Variants in SNX18 observed in about 807,000 individuals in gnomAD.
SNX18 encodes the protein sorting nexin 18.
A neutral mutation model predicts 48.7 loss-of-function variants in SNX18; 35 were observed. The observed-to-expected ratio is 0.72, with a 90% CI of 0.55 to 0.95. SNX18 has a LOEUF of 0.95. SNX18 is among the 40% of genes least tolerant of loss of function. The pLI is 0.00. For missense variants in SNX18, 824 were observed against 871.0 expected (o/e 0.95, Z 0.68); for synonymous variants, 492 against 384.7 (o/e 1.28, Z -3.26).
Position 54,517,938 on chromosome 5 carries a change from C to A in SNX18, c.-15C>A, listed in dbSNP as rs1761897565. ...GACGCCGGGAGTCGGGACCGCCAGT[C>A]GGGGCGCCGGGACCATGGCGCTGCG... On this transcript the variant is annotated 5_prime_UTR_variant, in exon 1 of 2. Transcript: ENST00000381410. 1 of 1,496,928 alleles carries A rather than the reference C, an allele frequency of 6.7e-7. No individual in the cohort carries two copies. Among genetic ancestry groups the A allele is most frequent in the South Asian group, 1.2e-5 (1 of 80,174 alleles). 92.7% of individuals were successfully genotyped at this position (1,496,928 alleles called of 1,614,324 possible).
downstream of SNX18, among the ~76,000 whole-genome samples, chr5:54,550,415 G>T (rs1186691376): frequency 6.6e-6 from 1 of 152,024 alleles, no homozygotes. Context: ...TCCAAAGGAT[G>T]AAAAACTGTA....
In SNX18 at chr5:54,519,691, G is replaced by T. The variant is rs367802950; in HGVS notation, c.1621+118G>T. On this transcript the variant is annotated intron_variant, in intron 1 of 1. Transcript: ENST00000381410. ...TCATATTCTACAGGTGAGGAAGCGA[G>T]CAGAGACGTGGACGCCTGGGTCTTT... 15 of 1,614,102 alleles carry T rather than the reference G, an allele frequency of 9.3e-6. No homozygotes were observed. The highest frequency in any genetic ancestry group is 1.3e-5 in the Non-Finnish European group (15 of 1,180,048).
chr5:54,570,155 G>T, the SNX18 span, among the ~76,000 whole-genome samples: 4,950 of 152,222 alleles, frequency 0.033, 267 homozygotes, highest in African/African-American at 0.11. Context: ...GGGAAATTTG[G>T]ACACAGATGC....
the SNX18 span, among the ~76,000 whole-genome samples, chr5:54,638,797 A>C: frequency 1.3e-5 from 2 of 152,128 alleles, no homozygotes; most frequent in African/African-American, 4.8e-5. Context: ...CCGCTTGCCT[A>C]AGGTCAGCCA....
the SNX18 span, among the ~76,000 whole-genome samples, chr5:54,596,312 T>C: frequency 5.4e-5 from 8 of 149,498 alleles, no homozygotes; most frequent in Non-Finnish European, 1.2e-4. Flanking sequence ...GGGCCAGCAC[T>C]ATAGCTCTCC....
At chr5:54,591,280 A>G in the SNX18 span, among the ~76,000 whole-genome samples, 1 of 152,086 alleles carries the variant, frequency 6.6e-6, no homozygotes, top group African/African-American at 2.4e-5. Flanking sequence ...CCTGGGTTCA[A>G]GCAATCTTCC....
At chr5:54,583,616 T>C in the SNX18 span, among the ~76,000 whole-genome samples, 1 of 152,250 alleles carries the variant, frequency 6.6e-6, no homozygotes, top group Non-Finnish European at 1.5e-5. Context: ...ATTTTACCAA[T>C]GCTTAGCTTC....
At position 54,518,437 on chromosome 5, in the gene SNX18, C is replaced by G; in HGVS notation, c.485C>G (p.Ser162Cys). The G allele has an allele frequency of 1.9e-6, 3 of 1,578,234 alleles. No individual in the cohort carries two copies. The highest frequency in any genetic ancestry group is 1.8e-5 in the Admixed American group (1 of 55,294). ...DDWDDEWDDSSTVADEPGALG... is the reference protein window; with the variant it reads ...DDWDDEWDDSCTVADEPGALG... ...TGGGACGACGAGTGGGACGACAGCTCCACGGTGGCGGACGAGCCGGGCGCT... is the reference window on the plus strand; with the variant it reads ...TGGGACGACGAGTGGGACGACAGCTGCACGGTGGCGGACGAGCCGGGCGCT... The change falls in exon 1 of 2, where the codon TCC becomes TGC. Residue 162 changes from serine (S) to cysteine (C), a missense_variant. Around this residue, in one of 3 missense-constraint regions of SNX18, gnomAD observed 377 missense variants for 350.6 expected, o/e 1.08. Coordinates refer to ENST00000381410, the MANE Select transcript of SNX18 (RefSeq NM_001102575.2).
the SNX18 span, among the ~76,000 whole-genome samples, chr5:54,629,541 G>A: frequency 6.6e-6 from 1 of 152,164 alleles, no homozygotes; most frequent in Non-Finnish European, 1.5e-5. Context: ...TTGGATTTCT[G>A]ACCCCTGTTT....
At chr5:54,622,448 A>G in the SNX18 span, among the ~76,000 whole-genome samples, 1 of 151,778 alleles carries the variant, frequency 6.6e-6, no homozygotes, top group East Asian at 1.9e-4. Flanking sequence ...GCAGTGAGCC[A>G]TGATTATTAC....
chr5:54,554,336 C>T, the SNX18 span, among the ~76,000 whole-genome samples: 1 of 152,170 alleles, frequency 6.6e-6, no homozygotes, highest in Non-Finnish European at 1.5e-5. Context: ...TGAATCAGAA[C>T]GTGAAGGGGG....
At chr5:54,578,386 T>A in the SNX18 span, among the ~76,000 whole-genome samples, 3 of 152,214 alleles carry the variant, frequency 2.0e-5, no homozygotes, top group African/African-American at 7.2e-5. Flanking sequence ...AGATGCCAAC[T>A]GTTTTCCCCC....
chr5:54,549,189 C>T (rs1762616977), downstream of SNX18, among the ~76,000 whole-genome samples: 1 of 152,130 alleles, frequency 6.6e-6, no homozygotes, highest in African/African-American at 2.4e-5. Context: ...GGTGGAAAGC[C>T]CTGAGCCCAA....
At chr5:54,588,042 T>C in the SNX18 span, among the ~76,000 whole-genome samples, 3 of 152,272 alleles carry the variant, frequency 2.0e-5, no homozygotes, top group Non-Finnish European at 4.4e-5. Flanking sequence ...AAGAAGCCAA[T>C]CTTCTAGGGA....
the SNX18 span, among the ~76,000 whole-genome samples, chr5:54,638,134 A>G: frequency 6.6e-6 from 1 of 152,240 alleles, no homozygotes; most frequent in East Asian, 1.9e-4. Flanking sequence ...CTAACTCTAC[A>G]TGAAGCTTTC....
At chr5:54,646,777 T>C in the SNX18 span, among the ~76,000 whole-genome samples, 2 of 152,290 alleles carry the variant, frequency 1.3e-5, no homozygotes, top group South Asian at 2.1e-4. Flanking sequence ...TCTACCATAG[T>C]TCCCTCCACC....
At chr5:54,596,719 T>G in the SNX18 span, among the ~76,000 whole-genome samples, 38 of 152,302 alleles carry the variant, frequency 2.5e-4, no homozygotes, top group African/African-American at 7.5e-4. Context: ...TTTTCTTATC[T>G]GTCCATGAGA....
chr5:54,597,420 A>G, the SNX18 span, among the ~76,000 whole-genome samples: 1 of 152,112 alleles, frequency 6.6e-6, no homozygotes, highest in Non-Finnish European at 1.5e-5. Flanking sequence ...AGATCTTTCC[A>G]CCCCAGAAGG....
At chr5:54,631,889 T>C in the SNX18 span, among the ~76,000 whole-genome samples, 3 of 152,242 alleles carry the variant, frequency 2.0e-5, no homozygotes, top group African/African-American at 7.2e-5. Context: ...TGCTGAAGTC[T>C]GTTTCAGCCC....
Sources: allele counts gnomAD v4.1 joint callset (sites outside exome capture counted in the v4.1 genomes callset), GRCh38; gene constraint gnomAD v4.1.1; regional missense constraint gnomAD v4.1.1; transcripts MANE v1.5; gene names NCBI Gene and HGNC (gene_info 2026-07-23, HGNC 2026-07-21).